ADAMTS6: variants seen among roughly 807,000 people sequenced by gnomAD.
The protein encoded by ADAMTS6 is A disintegrin and metalloproteinase with thrombospondin motifs 6.
Under a neutral mutation model 144.3 loss-of-function variants are expected in ADAMTS6, and 23 were observed. The observed-to-expected ratio is 0.16, with a 90% CI of 0.11 to 0.23. The LOEUF (loss-of-function observed/expected upper bound fraction) is 0.23. Among genes scored for constraint, ADAMTS6 ranks in the 10% least tolerant of loss-of-function variants. The pLI, the probability that ADAMTS6 is intolerant of heterozygous loss-of-function variation, is 1.00. For missense variants in ADAMTS6, 999 were observed against 1,379.6 expected (o/e 0.72, Z 4.37); for synonymous variants, 444 against 457.5 (o/e 0.97, Z 0.38).
intron 15 of ADAMTS6, 120 bp downstream of exon 15, chr5:65,241,984 G>A (rs1759231252): frequency 1.8e-6 from 1 of 562,230 alleles, no homozygotes; most frequent in Non-Finnish European, 2.8e-6. Context: ...TGCTTTTGTT[G>A]GCAAACACTA....
chr5:65,335,507 G>A (rs780416112), intron 7 of ADAMTS6, among the ~76,000 whole-genome samples: 36 of 152,086 alleles, frequency 2.4e-4, no homozygotes, highest in Non-Finnish European at 4.4e-4. Flanking sequence ...TCAAGAAAAC[G>A]TAAAGGAAGA....
intron 7 of ADAMTS6, among the ~76,000 whole-genome samples, chr5:65,350,270 G>C (rs10471654): frequency 0.27 from 41,583 of 152,074 alleles, 6,588 homozygotes; most frequent in South Asian, 0.4. Flanking sequence ...TTTTTTGTCT[G>C]ACCTTCAGTG....
At chr5:65,202,516 C>T (rs1413037980) in intron 20 of ADAMTS6, among the ~76,000 whole-genome samples, 2 of 152,160 alleles carry the variant, frequency 1.3e-5, no homozygotes, top group Non-Finnish European at 2.9e-5. Flanking sequence ...ACAGTCTTGA[C>T]CTCAATGAGA....
chr5:65,308,050 G>C (rs1406182161), intron 9 of ADAMTS6, among the ~76,000 whole-genome samples: 1 of 152,170 alleles, frequency 6.6e-6, no homozygotes, highest in Non-Finnish European at 1.5e-5. Flanking sequence ...AACTAGTAAA[G>C]TTCTCATAAT....
intron 14 of ADAMTS6, 104 bp downstream of exon 14, chr5:65,260,496 T>TCA: frequency 1.2e-6 from 1 of 866,236 alleles, no homozygotes; most frequent in South Asian, 1.6e-5. Context: ...AATGTGACCT[T>TCA]CACACACATG....
intron 7 of ADAMTS6, among the ~76,000 whole-genome samples, chr5:65,405,412 C>G (rs1347146129): frequency 6.6e-6 from 1 of 152,136 alleles, no homozygotes; most frequent in East Asian, 1.9e-4. Context: ...AATCCTTTCC[C>G]CATTGCTTGT....
chr5:65,274,542 T>C (rs894874733), intron 11 of ADAMTS6, among the ~76,000 whole-genome samples: 1 of 152,144 alleles, frequency 6.6e-6, no homozygotes, highest in African/African-American at 2.4e-5. Context: ...CAATGAAATA[T>C]CGATGTCACT....
rs188544584 is a variant in ADAMTS6 at position 65,254,020 on chromosome 5, T to A, written c.1830+6580A>T. Among the ~76,000 whole-genome samples the A allele has an allele frequency of 1.9e-3, 279 of 149,396 alleles. 2 individuals are homozygous for A. Among genetic ancestry groups the A allele is most frequent in the African/African-American group, 6.5e-3 (267 of 41,212 alleles). ...CCACCATGCCCAGCTAATTTTTGTA[T>A]TTTTTGTAGAGAAGGGGTTTCACCA... On this transcript the variant is annotated intron_variant, in intron 14 of 24. Coordinates refer to ENST00000381055, the MANE Select transcript of ADAMTS6 (RefSeq NM_197941.4).
At chr5:65,166,025 A>T (rs1753123723) in intron 24 of ADAMTS6, among the ~76,000 whole-genome samples, 1 of 149,954 alleles carries the variant, frequency 6.7e-6, no homozygotes, top group South Asian at 2.2e-4. Context: ...AAATTCACAC[A>T]TAACAATATT....
At chr5:65,234,882 T>C (rs1009042002) in intron 15 of ADAMTS6, among the ~76,000 whole-genome samples, 1 of 152,132 alleles carries the variant, frequency 6.6e-6, no homozygotes, top group African/African-American at 2.4e-5. Flanking sequence ...GATGAATGGA[T>C]AAGAAAATTG....
At chr5:65,207,412 C>T (rs570632062) in intron 20 of ADAMTS6, among the ~76,000 whole-genome samples, 1 of 152,144 alleles carries the variant, frequency 6.6e-6, no homozygotes, top group South Asian at 2.1e-4. Context: ...CTTTGTACTG[C>T]AAATAAACTA....
intron 8 of ADAMTS6, 94 bp from the exon 9 acceptor site, chr5:65,329,577 C>T (rs1746512569): frequency 1.9e-6 from 2 of 1,056,856 alleles, no homozygotes; most frequent in Admixed American, 3.1e-5. Flanking sequence ...TTTTAATAAC[C>T]TCCATGCACA....
intron 7 of ADAMTS6, among the ~76,000 whole-genome samples, chr5:65,400,254 G>A (rs1401438829): frequency 3.3e-5 from 5 of 152,010 alleles, no homozygotes; most frequent in Admixed American, 1.3e-4. Context: ...CCTGGCTGGC[G>A]TACAGTGTCA....
intron 8 of ADAMTS6, among the ~76,000 whole-genome samples, chr5:65,330,721 C>A (rs1746628234): frequency 6.6e-6 from 1 of 151,990 alleles, no homozygotes; most frequent in South Asian, 2.1e-4. Flanking sequence ...GCTGGATTTG[C>A]TAATAGATCG....
intron 7 of ADAMTS6, among the ~76,000 whole-genome samples, chr5:65,348,024 C>T (rs1431404202): frequency 6.6e-6 from 1 of 152,012 alleles, no homozygotes; most frequent in Non-Finnish European, 1.5e-5. Flanking sequence ...CAAAAGATAA[C>T]AAGTGTTACA....
At chr5:65,392,573 CCTCCAGTAGGAT>C (rs1753011682) in intron 7 of ADAMTS6, among the ~76,000 whole-genome samples, 1 of 152,180 alleles carries the variant, frequency 6.6e-6, no homozygotes, top group South Asian at 2.1e-4. Context: ...AGTGGGAATG[CCTCCAGTAGGAT>C]CCCTGTGTTC....
chr5:65,224,661 A>C (rs911294180), intron 17 of ADAMTS6, among the ~76,000 whole-genome samples: 1 of 152,188 alleles, frequency 6.6e-6, no homozygotes, highest in African/African-American at 2.4e-5. Flanking sequence ...CTTCCTCAGC[A>C]CATGCCCCTC....
At chr5:65,320,467 T>C (rs1350733164) in intron 9 of ADAMTS6, among the ~76,000 whole-genome samples, 3 of 152,018 alleles carry the variant, frequency 2.0e-5, no homozygotes, top group Admixed American at 6.5e-5. Flanking sequence ...AATGACGTCA[T>C]TGATGAATTC....
intron 18 of ADAMTS6, 21 bp downstream of exon 18, chr5:65,224,299 T>G: frequency 6.2e-7 from 1 of 1,603,886 alleles, no homozygotes; most frequent in East Asian, 2.2e-5. Flanking sequence ...TCCAGCAAAC[T>G]AGCATACCAG....
Sources: gnomAD v4.1 joint callset for allele counts (sites outside exome capture counted in the v4.1 genomes callset) on GRCh38, gnomAD v4.1.1 for gene constraint, MANE v1.5 for transcripts, NCBI Gene and HGNC (gene_info 2026-07-23, HGNC 2026-07-21) for gene names.